VAPA: variants seen among roughly 807,000 people sequenced by gnomAD.
VAPA encodes the protein VAMP associated protein A, also known as vesicle-associated membrane protein-associated protein A.
VAPA carries 6 observed loss-of-function variants against 25.6 expected under a neutral mutation model. The ratio of observed to expected loss-of-function variants is 0.23; its 90% confidence interval spans 0.13 to 0.46. VAPA has a LOEUF of 0.46. Ranked by LOEUF, VAPA falls within the 20% of genes least tolerant of loss-of-function variation. The probability of loss-of-function intolerance (pLI) is 0.99; values close to 1 mark genes in which losing one functional copy is unlikely to be tolerated. For missense variants in VAPA, 244 were observed against 302.1 expected (o/e 0.81, Z 1.43); for synonymous variants, 112 against 106.2 (o/e 1.05, Z -0.34).
chr18:9,940,895 T>G (rs188554953), intron 4 of VAPA, among the ~76,000 whole-genome samples: 1 of 152,224 alleles, frequency 6.6e-6, no homozygotes, highest in African/African-American at 2.4e-5. Context: ...CTATACTATT[T>G]AGGCTGGAAG....
chr18:9,953,927 C>T (rs1374414144), intron 5 of VAPA, 126 bp from the exon 6 acceptor site: 1 of 1,104,806 alleles, frequency 9.1e-7, no homozygotes, highest in East Asian at 2.5e-5. Flanking sequence ...AGCAGTTAAT[C>T]CCCTTTTCCG....
intron 1 of VAPA, among the ~76,000 whole-genome samples, chr18:9,927,084 T>C (rs2069206312): frequency 6.6e-6 from 1 of 152,164 alleles, no homozygotes; most frequent in African/African-American, 2.4e-5. Flanking sequence ...TAAAATTTTA[T>C]TCTCTTAACA....
chr18:9,931,829 C>T lies in VAPA; in HGVS notation c.99C>T (p.Val33=), dbSNP rs760372387. 59 of 1,613,066 alleles carry T rather than the reference C, an allele frequency of 3.7e-5. No individual in the cohort carries two copies. In the African/African-American group the frequency reaches 7.7e-4, roughly 21 times the overall value. ...TTACAGGCCCCTTCACAGATGTAGT[C>T]ACTACAAATCTTAAATTGCGAAATC... The part of the protein sequence containing the change: ...LKFKGPFTDV[V]TTNLKLRNPS... The change falls in exon 2 of 6, where the codon GTC becomes GTT. Residue 33 remains valine, a synonymous_variant. Coordinates refer to ENST00000400000, the MANE Select transcript of VAPA (RefSeq NM_194434.3).
chr18:9,914,456 C>G, intron 1 of VAPA, 121 bp downstream of exon 1: 1 of 815,572 alleles, frequency 1.2e-6, no homozygotes, highest in Non-Finnish European at 1.7e-6. Flanking sequence ...CCCCCACGCC[C>G]CGGCGCCTTC....
chr18:9,955,389 CAGTAT>C lies in VAPA; in HGVS notation c.*1180_*1184del, dbSNP rs968586668. 19 of 152,132 alleles carry C rather than the reference CAGTAT, an allele frequency of 1.2e-4. No homozygotes were observed. The highest frequency in any genetic ancestry group is 4.6e-4 in the African/African-American group (19 of 41,410). The allele number at this position is 152,132 out of a possible 1,614,324, so 9.4% of individuals were successfully genotyped here. On this transcript the variant is annotated 3_prime_UTR_variant, in exon 6 of 6. Coordinates refer to ENST00000400000, the MANE Select transcript of VAPA (RefSeq NM_194434.3). ...ATGTTAACCATGTGAAACACATTTT[CAGTAT>C]AAGTATGCGTTACAGGGTTTGATAC... is the stretch of plus-strand genomic sequence containing the variant.
At chr18:9,946,965 C>G (rs914005031) in intron 4 of VAPA, among the ~76,000 whole-genome samples, 1 of 152,062 alleles carries the variant, frequency 6.6e-6, no homozygotes. Flanking sequence ...AACTTCTTTT[C>G]TTAAGACTAA....
rs2069548151 is a variant in VAPA at position 9,956,143 on chromosome 18, T to C, written c.*1932T>C. On this transcript the variant is annotated 3_prime_UTR_variant, in exon 6 of 6. Coordinates refer to ENST00000400000, the MANE Select transcript of VAPA (RefSeq NM_194434.3). Reference sequence around the variant, plus strand: ...TTCATTTTGTTCAGCCCCTTTGTTCTATGGTTGAGAAATCTGAGGCCTTAC... The same window carrying C: ...TTCATTTTGTTCAGCCCCTTTGTTCCATGGTTGAGAAATCTGAGGCCTTAC... The C allele has an allele frequency of 6.6e-6, 1 of 152,178 alleles. No homozygotes were observed. The highest frequency in any genetic ancestry group is 1.5e-5 in the Non-Finnish European group (1 of 68,026). The allele number at this position is 152,178 out of a possible 1,614,324, so 9.4% of individuals were successfully genotyped here.
At chr18:9,924,879 A>G (rs1420096503) in intron 1 of VAPA, 2 of 151,592 alleles carry the variant, frequency 1.3e-5, no homozygotes, top group African/African-American at 2.4e-5. Context: ...AACATACTAC[A>G]TTATGCTTTT....
intron 1 of VAPA, among the ~76,000 whole-genome samples, chr18:9,924,596 A>AAAAC (rs2069184626): frequency 6.6e-6 from 1 of 152,192 alleles, no homozygotes; most frequent in Non-Finnish European, 1.5e-5. Context: ...AAGCACTCCT[A>AAAAC]AAACGTTTAA....
intron 1 of VAPA, among the ~76,000 whole-genome samples, chr18:9,923,512 G>A (rs1345785279): frequency 2.0e-5 from 3 of 152,160 alleles, no homozygotes; most frequent in African/African-American, 4.8e-5. Context: ...TATGTTTCAT[G>A]TATGTGTGTA....
chr18:9,949,869 G>A (rs1478060924), intron 4 of VAPA: 1 of 153,904 alleles, frequency 6.5e-6, no homozygotes, highest in Non-Finnish European at 1.4e-5. Context: ...AAAGCAAACA[G>A]CATTACTAAA....
chr18:9,945,482 C>G (rs2069413683), intron 4 of VAPA, among the ~76,000 whole-genome samples: 1 of 150,246 alleles, frequency 6.7e-6, no homozygotes, highest in South Asian at 2.1e-4. Flanking sequence ...ACCTCAGCCT[C>G]CTGAGTAGCT....
chr18:9,922,954 T>C (rs987616462), intron 1 of VAPA, among the ~76,000 whole-genome samples: 1 of 152,244 alleles, frequency 6.6e-6, no homozygotes, highest in African/African-American at 2.4e-5. Context: ...CATTATTCTT[T>C]AACATTTCAC....
chr18:9,931,407 A>G (rs1206288965), intron 1 of VAPA, among the ~76,000 whole-genome samples: 1 of 152,204 alleles, frequency 6.6e-6, no homozygotes, highest in Admixed American at 6.5e-5. Context: ...TAGGGTCTTC[A>G]GATGTAGAGA....
intron 1 of VAPA, among the ~76,000 whole-genome samples, chr18:9,927,995 A>G (rs370069303): frequency 1.1e-4 from 16 of 152,114 alleles, no homozygotes; most frequent in East Asian, 1.9e-4. Flanking sequence ...AATGTAACGT[A>G]TGCAGTTTTC....
rs1011302360 is a variant in VAPA, at chr18:9,954,485, G to T, written c.*274G>T. On this transcript the variant is annotated 3_prime_UTR_variant, in exon 6 of 6. Transcript: ENST00000400000. ...TTATGAAATTCATAAATAAAGAATT[G>T]TTCTTTCTTTGTGGTTTTAATAAGA... 1.3e-5 allele frequency: 4 copies of T among 307,088 alleles called. No individual in the cohort carries two copies. The highest frequency in any genetic ancestry group is 2.3e-5 in the Non-Finnish European group (4 of 170,452). The allele number at this position is 307,088 out of a possible 1,614,324, so 19.0% of individuals were successfully genotyped here. A position where few individuals can be genotyped will look rare whatever the true frequency, so the allele number is the denominator to read the frequency against.
At chr18:9,916,141 C>G (rs371930926) in intron 1 of VAPA, among the ~76,000 whole-genome samples, 8 of 152,078 alleles carry the variant, frequency 5.3e-5, no homozygotes, top group Admixed American at 1.3e-4. Flanking sequence ...AAGTTTTCTC[C>G]TTAGGGAAGT....
At chr18:9,931,570 A>G (rs1034567494) in intron 1 of VAPA, among the ~76,000 whole-genome samples, 68 of 152,168 alleles carry the variant, frequency 4.5e-4, no homozygotes, top group African/African-American at 1.4e-3. Flanking sequence ...TACTTTTTTG[A>G]TAGAAATCAT....
intron 4 of VAPA, among the ~76,000 whole-genome samples, chr18:9,937,564 T>C (rs938941485): frequency 6.6e-6 from 1 of 152,202 alleles, no homozygotes; most frequent in Admixed American, 6.5e-5. Flanking sequence ...GCTTACTCAT[T>C]AGTGTAAGTC....
Sources: gnomAD v4.1 joint callset for allele counts (sites outside exome capture counted in the v4.1 genomes callset) on GRCh38, gnomAD v4.1.1 for gene constraint, MANE v1.5 for transcripts, NCBI Gene and HGNC (gene_info 2026-07-23, HGNC 2026-07-21) for gene names.